SCRT2: variants seen among roughly 807,000 people sequenced by gnomAD.
SCRT2 encodes transcriptional repressor scratch 2.
A neutral mutation model predicts 3.7 loss-of-function variants in SCRT2; 2 were observed. That is an observed-to-expected ratio of 0.54 (90% confidence interval 0.22 to 1.70). The LOEUF is 1.70. Among genes scored for constraint, SCRT2 ranks in the 40% most tolerant of loss-of-function variants. The pLI is 0.19. For synonymous variants in SCRT2, 256 were observed against 220.6 expected, an observed-to-expected ratio of 1.16 and a Z score of -1.42; for missense variants, 456 against 468.5, an observed-to-expected ratio of 0.97 and a Z score of 0.25.
chr20:673,628 G>A (rs1984415648), intron 1 of SCRT2, among the ~76,000 whole-genome samples: 1 of 152,216 alleles, frequency 6.6e-6, no homozygotes, highest in South Asian at 2.1e-4. Flanking sequence ...CCCTGCTGGT[G>A]GCTCTGCACC....
Position 667,420 on chromosome 20 carries a change from G to C in SCRT2, c.134-2959C>G, listed in dbSNP as rs1984188422. On this transcript the variant is annotated intron_variant, in intron 1 of 1. Coordinates refer to ENST00000246104, the MANE Select transcript of SCRT2 (RefSeq NM_033129.4). The surrounding 1 kb of genome is among the most constrained non-coding windows in gnomAD (Gnocchi z 4.4). ...TAACAATCTCCCCAGATGGGTTTCT[G>C]TGCTGCAGCTTTCTTGGCATCTGCC... Among the ~76,000 whole-genome samples the C allele has an allele frequency of 6.6e-6, 1 of 152,170 alleles. No individual in the cohort carries two copies. Among genetic ancestry groups the C allele is most frequent in the Non-Finnish European group, 1.5e-5 (1 of 68,032 alleles).
intron 1 of SCRT2, among the ~76,000 whole-genome samples, chr20:673,594 C>G (rs1042138665): frequency 6.6e-6 from 1 of 152,208 alleles, no homozygotes; most frequent in African/African-American, 2.4e-5. Flanking sequence ...GGGTGTTAAA[C>G]CCGGTGGAAC....
Position 675,454 on chromosome 20 carries a change from C to G in SCRT2, c.133+15G>C. 1 of 1,310,686 alleles carries G rather than the reference C, an allele frequency of 7.6e-7. No homozygotes were observed. The highest frequency in any genetic ancestry group is 9.8e-7 in the Non-Finnish European group (1 of 1,021,914). The allele number at this position is 1,310,686 out of a possible 1,614,324, so 81.2% of individuals were successfully genotyped here. On this transcript the variant is annotated intron_variant, in intron 1 of 1. Coordinates refer to ENST00000246104, the MANE Select transcript of SCRT2 (RefSeq NM_033129.4). This position sits in a 1 kb window ranked among gnomAD's most constrained non-coding sequence, Gnocchi z 6.9. Reference sequence around the variant, plus strand: ...CTCTTCTCCCAACCCCCCGCCCCCGCCGGGTCCCACTCACCGTTGTCCCCG... The same window carrying G: ...CTCTTCTCCCAACCCCCCGCCCCCGGCGGGTCCCACTCACCGTTGTCCCCG...
rs947011915 is a variant in SCRT2, at chr20:667,366, C to T, written c.134-2905G>A. Among the ~76,000 whole-genome samples the T allele has an allele frequency of 1.3e-5, 2 of 152,222 alleles. No individual in the cohort carries two copies. The highest frequency in any genetic ancestry group is 1.5e-5 in the Non-Finnish European group (1 of 68,038). Reference sequence around the variant, plus strand: ...TGGCTGGCACATTTTAAATCCACCACGCATGTTGGCTGTTATTATGAACAA... The same window carrying T: ...TGGCTGGCACATTTTAAATCCACCATGCATGTTGGCTGTTATTATGAACAA... On this transcript the variant is annotated intron_variant, in intron 1 of 1. Transcript: ENST00000246104. The surrounding 1 kb of genome is among the most constrained non-coding windows in gnomAD (Gnocchi z 4.4).
rs1816771037 is a variant in SCRT2, at chr20:662,268, G to T, written c.*1403C>A. 1 of 152,800 alleles carries T rather than the reference G, an allele frequency of 6.5e-6. No individual in the cohort carries two copies. Among genetic ancestry groups the T allele is most frequent in the African/African-American group, 2.4e-5 (1 of 41,452 alleles). 9.5% of individuals were successfully genotyped at this position (152,800 alleles called of 1,614,324 possible). On this transcript the variant is annotated 3_prime_UTR_variant, in exon 2 of 2. Transcript: ENST00000246104. ...GCTCAGTCGGTCCCTGGAACCTGGG[G>T]TCCCTCGGGAAGAAGAATAAACAGG...
rs1416153552 is a variant in SCRT2, at chr20:667,620, G to A, written c.134-3159C>T. Reference sequence around the variant, plus strand: ...GCGCCCTCTGCTGGTGGCCCTCAGCGCTGTTGACTTTCCTCCTGTTGCAAG... The same window carrying A: ...GCGCCCTCTGCTGGTGGCCCTCAGCACTGTTGACTTTCCTCCTGTTGCAAG... On this transcript the variant is annotated intron_variant, in intron 1 of 1. Transcript: ENST00000246104. The surrounding 1 kb of genome is among the most constrained non-coding windows in gnomAD (Gnocchi z 4.4). 1.3e-5 allele frequency among the ~76,000 whole-genome samples: 2 copies of A among 152,194 alleles called. No individual in the cohort carries two copies. The highest frequency in any genetic ancestry group is 2.9e-5 in the Non-Finnish European group (2 of 68,034).
At chr20:674,800 G>A (rs1300395177) in intron 1 of SCRT2, among the ~76,000 whole-genome samples, 1 of 151,942 alleles carries the variant, frequency 6.6e-6, no homozygotes, top group Admixed American at 6.6e-5. Context: ...AGAAGCTGGG[G>A]ATGGGGAAGG....
In SCRT2 at chr20:675,250, G is replaced by A. The variant is rs1379170624; in HGVS notation, c.133+219C>T. 2.6e-5 allele frequency among the ~76,000 whole-genome samples: 4 copies of A among 152,140 alleles called. No individual in the cohort carries two copies. The highest frequency in any genetic ancestry group is 5.9e-5 in the Non-Finnish European group (4 of 68,010). ...CTTTCAAAGTCCCGGCTGGCGCGTG[G>A]CTGCGGGATGGGCCGACCCCGCGAC... On this transcript the variant is annotated intron_variant, in intron 1 of 1. Transcript: ENST00000246104. This position sits in a 1 kb window ranked among gnomAD's most constrained non-coding sequence, Gnocchi z 6.9.
rs371992578 is a variant in SCRT2 at position 667,131 on chromosome 20, C to A, written c.134-2670G>T. On this transcript the variant is annotated intron_variant, in intron 1 of 1. Coordinates refer to ENST00000246104, the MANE Select transcript of SCRT2 (RefSeq NM_033129.4). The surrounding 1 kb of genome is among the most constrained non-coding windows in gnomAD (Gnocchi z 4.4). ...TTTCAGTAAGGGGTCTGCCAGTAAA[C>A]AGTATATAAACAAATGATAACCAGC... 2.0e-5 allele frequency among the ~76,000 whole-genome samples: 3 copies of A among 152,140 alleles called. No homozygotes were observed. Among genetic ancestry groups the A allele is most frequent in the African/African-American group, 7.2e-5 (3 of 41,432 alleles).
At chr20:669,451 C>T (rs1476112215) in intron 1 of SCRT2, among the ~76,000 whole-genome samples, 1 of 152,168 alleles carries the variant, frequency 6.6e-6, no homozygotes, top group Non-Finnish European at 1.5e-5. Flanking sequence ...CTCCTTTCCC[C>T]AGTCTCTCCC....
chr20:675,622 C>T lies in SCRT2; in HGVS notation c.-21G>A. The T allele has an allele frequency of 7.8e-7, 1 of 1,276,834 alleles. No individual in the cohort carries two copies. The allele number at this position is 1,276,834 out of a possible 1,614,324, so 79.1% of individuals were successfully genotyped here. On this transcript the variant is annotated 5_prime_UTR_variant, in exon 1 of 2. Coordinates refer to ENST00000246104, the MANE Select transcript of SCRT2 (RefSeq NM_033129.4). This position sits in a 1 kb window ranked among gnomAD's most constrained non-coding sequence, Gnocchi z 6.9. ...GGCATGGCGCGGCCGGCGCGGGGCT[C>T]GGTGCGGGGAGGCGGCCGGCCGGGC...
rs554262902 is a variant in SCRT2, at chr20:666,045, C to T, written c.134-1584G>A. On this transcript the variant is annotated intron_variant, in intron 1 of 1. Coordinates refer to ENST00000246104, the MANE Select transcript of SCRT2 (RefSeq NM_033129.4). This position sits in a 1 kb window ranked among gnomAD's most constrained non-coding sequence, Gnocchi z 4.4. ...GGACACAGGGTGAAGTCTGTGTGCC[C>T]CTGAAGGCAAGGGTGTGCCCTTATT... Among the ~76,000 whole-genome samples the T allele has an allele frequency of 6.6e-6, 1 of 152,294 alleles. No individual in the cohort carries two copies. The highest frequency in any genetic ancestry group is 1.5e-5 in the Non-Finnish European group (1 of 68,026).
At position 663,832 on chromosome 20, in the gene SCRT2, G is replaced by A. The variant is rs1367181752; in HGVS notation, c.763C>T (p.Leu255=). 1.3e-6 allele frequency: 2 copies of A among 1,598,222 alleles called. No individual in the cohort carries two copies. The highest frequency in any genetic ancestry group is 1.1e-5 in the South Asian group (1 of 89,174). Residue 255 remains leucine (L), a synonymous_variant, in exon 2 of 2, where the codon CTG becomes TTG. Coordinates refer to ENST00000246104, the MANE Select transcript of SCRT2 (RefSeq NM_033129.4). The surrounding 1 kb of genome is among the most constrained non-coding windows in gnomAD (Gnocchi z 6.9). ...GAGTGCGTCTGCATGTGCGCGCGCAGGTTGGAGCGGTCGGCGAAGGCCTTG... is the reference window on the plus strand; with the variant it reads ...GAGTGCGTCTGCATGTGCGCGCGCAAGTTGGAGCGGTCGGCGAAGGCCTTG... ...CGKAFADRSN[L]RAHMQTHSAF...
chr20:664,237 G>A lies in SCRT2; in HGVS notation c.358C>T (p.Arg120Trp). The A allele has an allele frequency of 3.2e-6, 4 of 1,237,766 alleles. No homozygotes were observed. Among genetic ancestry groups the A allele is most frequent in the Non-Finnish European group, 2.1e-6 (2 of 950,412 alleles). The allele number at this position is 1,237,766 out of a possible 1,614,324, so 76.7% of individuals were successfully genotyped here. The change falls in exon 2 of 2, where the codon CGG becomes TGG. Residue 120 changes from arginine (R) to tryptophan (W), a missense_variant. Coordinates refer to ENST00000246104, the MANE Select transcript of SCRT2 (RefSeq NM_033129.4). The surrounding 1 kb of genome is among the most constrained non-coding windows in gnomAD (Gnocchi z 7.9). ...AFFISDGRSR[R>W]RRGGGGGDAG... ...TCCCCGCCGCCCCCGCCCCGCCGCC[G>A]CCGCGAGCGCCCGTCCGAGATGAAG...
Position 665,483 on chromosome 20 carries a change from A to T in SCRT2, c.134-1022T>A, listed in dbSNP as rs6085328. 1.3e-5 allele frequency among the ~76,000 whole-genome samples: 2 copies of T among 151,938 alleles called. No individual in the cohort carries two copies. The highest frequency in any genetic ancestry group is 1.3e-4 in the Admixed American group (2 of 15,260). The stretch of plus-strand genomic sequence containing the variant: ...GAATTCCCCTCCCCCTCCTCCTCCC[A>T]CTTAGCTGGAGTTGGACCAGGAATC... On this transcript the variant is annotated intron_variant, in intron 1 of 1. Transcript: ENST00000246104. This position sits in a 1 kb window ranked among gnomAD's most constrained non-coding sequence, Gnocchi z 5.0.
chr20:663,573 G>T lies in SCRT2; in HGVS notation c.*98C>A. 8.5e-7 allele frequency: 1 copy of T among 1,176,214 alleles called. No homozygotes were observed. Among genetic ancestry groups the T allele is most frequent in the Non-Finnish European group, 1.1e-6 (1 of 922,962 alleles). The allele number at this position is 1,176,214 out of a possible 1,614,324, so 72.9% of individuals were successfully genotyped here. ...TCCCCACGAGAGGGTCATGGGCAGGGAAACGCAGCCGGGGCTGGGCGAGGG... is the reference window on the plus strand; with the variant it reads ...TCCCCACGAGAGGGTCATGGGCAGGTAAACGCAGCCGGGGCTGGGCGAGGG... On this transcript the variant is annotated 3_prime_UTR_variant, in exon 2 of 2. Coordinates refer to ENST00000246104, the MANE Select transcript of SCRT2 (RefSeq NM_033129.4). This position sits in a 1 kb window ranked among gnomAD's most constrained non-coding sequence, Gnocchi z 6.9.
intron 1 of SCRT2, among the ~76,000 whole-genome samples, chr20:672,186 C>T (rs920131698): frequency 8.5e-5 from 13 of 152,110 alleles, no homozygotes; most frequent in Admixed American, 7.9e-4. Context: ...CTTGAGGGGA[C>T]AATGAAATTA....
rs1984175770 is a variant in SCRT2 at position 667,020 on chromosome 20, T to C, written c.134-2559A>G. Among the ~76,000 whole-genome samples the C allele has an allele frequency of 6.6e-6, 1 of 152,192 alleles. No homozygotes were observed. The highest frequency in any genetic ancestry group is 1.5e-5 in the Non-Finnish European group (1 of 68,042). On this transcript the variant is annotated intron_variant, in intron 1 of 1. Transcript: ENST00000246104. The surrounding 1 kb of genome is among the most constrained non-coding windows in gnomAD (Gnocchi z 4.4). The stretch of plus-strand genomic sequence containing the variant: ...ATATTGGATAAGAGTAAAACTTTGG[T>C]GCCAGACGGCCTGGATTGTTTTGGC...
In SCRT2 at chr20:675,342, C is replaced by A; in HGVS notation, c.133+127G>T. 1.2e-6 allele frequency: 1 copy of A among 819,970 alleles called. No homozygotes were observed. Among genetic ancestry groups the A allele is most frequent in the Non-Finnish European group, 1.6e-6 (1 of 608,266 alleles). 50.8% of individuals were successfully genotyped at this position (819,970 alleles called of 1,614,324 possible). On this transcript the variant is annotated intron_variant, in intron 1 of 1. Transcript: ENST00000246104. The surrounding 1 kb of genome is among the most constrained non-coding windows in gnomAD (Gnocchi z 6.9). ...CCTTGGAAAGCCCGGGAGGAGCCCA[C>A]GGCCAGAGAGATCTCCTCCCGGGGG...
Sources: allele counts gnomAD v4.1 joint callset (sites outside exome capture counted in the v4.1 genomes callset), GRCh38; gene constraint gnomAD v4.1.1; non-coding constraint Gnocchi (gnomAD v3.1); transcripts MANE v1.5; gene names NCBI Gene and HGNC (gene_info 2026-07-23, HGNC 2026-07-21).